Variants in KHDRBS2 observed in about 807,000 individuals in gnomAD.
KHDRBS2 encodes KH RNA binding domain containing, signal transduction associated 2, also known as KH domain-containing, RNA-binding, signal transduction-associated protein 2.
A neutral mutation model predicts 44.3 loss-of-function variants in KHDRBS2; 26 were observed. That is an observed-to-expected ratio of 0.59 (90% CI 0.43 to 0.81). The LOEUF is 0.81. KHDRBS2 is among the 40% of genes least tolerant of loss of function. The pLI is 0.00. For missense variants in KHDRBS2, 476 were observed against 433.1 expected, an observed-to-expected ratio of 1.10 and a Z score of -0.88; for synonymous variants, 194 against 151.1, an observed-to-expected ratio of 1.28 and a Z score of -2.08.
intron 4 of KHDRBS2, among the ~76,000 whole-genome samples, chr6:61,922,347 G>A (rs1808223755): frequency 6.6e-6 from 1 of 152,098 alleles, no homozygotes; most frequent in Non-Finnish European, 1.5e-5. Flanking sequence ...GCACAGAGAG[G>A]AGTAATCTAG....
intron 2 of KHDRBS2, among the ~76,000 whole-genome samples, chr6:62,129,912 A>T (rs1414365221): frequency 1.3e-5 from 2 of 152,172 alleles, no homozygotes; most frequent in Non-Finnish European, 2.9e-5. Flanking sequence ...TAGATGTTTA[A>T]TATGATATTT....
intron 2 of KHDRBS2, among the ~76,000 whole-genome samples, chr6:62,051,793 A>G (rs1278474878): frequency 6.6e-6 from 1 of 152,104 alleles, no homozygotes; most frequent in East Asian, 1.9e-4. Flanking sequence ...ATTCAATGGC[A>G]GAAAAACCGA....
chr6:61,915,368 G>A (rs1233247354), intron 4 of KHDRBS2, among the ~76,000 whole-genome samples: 1 of 152,006 alleles, frequency 6.6e-6, no homozygotes, highest in South Asian at 2.1e-4. Context: ...CCTCATTTCT[G>A]TATAAGGAAA....
rs182955744 is a variant in KHDRBS2 at position 62,054,502 on chromosome 6, T to C, written c.220-6508A>G. On this transcript the variant is annotated intron_variant, in intron 2 of 8. Coordinates refer to ENST00000281156, the MANE Select transcript of KHDRBS2 (RefSeq NM_152688.4). Reference sequence around the variant, plus strand: ...ATGTTACTCTACATAAGAAACTATATGGGTGTGATTAAATTAGAGATCTTG... The same window carrying C: ...ATGTTACTCTACATAAGAAACTATACGGGTGTGATTAAATTAGAGATCTTG... 1.5e-3 allele frequency among the ~76,000 whole-genome samples: 221 copies of C among 152,182 alleles called. 1 individual carries two copies. The highest frequency in any genetic ancestry group is 5.0e-3 in the African/African-American group (207 of 41,562).
At chr6:62,025,528 A>T (rs535570677) in intron 3 of KHDRBS2, among the ~76,000 whole-genome samples, 84 of 152,028 alleles carry the variant, frequency 5.5e-4, no homozygotes, top group African/African-American at 1.9e-3. Context: ...ATAAAGGATA[A>T]ATTTTTTTTA....
intron 2 of KHDRBS2, among the ~76,000 whole-genome samples, chr6:62,123,650 T>G (rs759761437): frequency 2.0e-3 from 300 of 152,352 alleles, no homozygotes; most frequent in Non-Finnish European, 4.6e-4. Flanking sequence ...AAACTACATT[T>G]GTTCAAAGTT....
chr6:62,125,981 TTTGTC>T (rs1341272347), intron 2 of KHDRBS2, among the ~76,000 whole-genome samples: 30 of 152,268 alleles, frequency 2.0e-4, no homozygotes, highest in African/African-American at 7.0e-4. Context: ...TAAAGGAGAC[TTTGTC>T]TTGAAGCTTA....
chr6:62,068,046 T>G (rs2127340733), intron 2 of KHDRBS2, among the ~76,000 whole-genome samples: 1 of 151,700 alleles, frequency 6.6e-6, no homozygotes, highest in South Asian at 2.1e-4. Flanking sequence ...CTTTTATCTC[T>G]TATGTTTAGA....
intron 6 of KHDRBS2, among the ~76,000 whole-genome samples, chr6:61,776,813 G>T (rs568729765): frequency 2.0e-5 from 3 of 151,824 alleles, no homozygotes; most frequent in African/African-American, 7.3e-5. Flanking sequence ...ACTATAAATC[G>T]TGCTGCTATA....
At chr6:61,953,581 G>T (rs1053324780) in intron 4 of KHDRBS2, among the ~76,000 whole-genome samples, 1 of 151,868 alleles carries the variant, frequency 6.6e-6, no homozygotes, top group Non-Finnish European at 1.5e-5. Context: ...GAAAAAGCAG[G>T]CTACTAGAAC....
chr6:61,643,441 A>G, the KHDRBS2 span, among the ~76,000 whole-genome samples: 3 of 152,184 alleles, frequency 2.0e-5, no homozygotes, highest in African/African-American at 4.8e-5. Context: ...TATTCAACAC[A>G]GTATTGGAAA....
At chr6:62,070,401 C>CAT (rs1452900609) in intron 2 of KHDRBS2, among the ~76,000 whole-genome samples, 1 of 151,308 alleles carries the variant, frequency 6.6e-6, no homozygotes. Context: ...AGGTTTGTTA[C>CAT]ATATATATAC....
intron 6 of KHDRBS2, among the ~76,000 whole-genome samples, chr6:61,833,687 G>T (rs1384818430): frequency 6.6e-6 from 1 of 151,972 alleles, no homozygotes. Context: ...CTCTTCCAAG[G>T]GCAAATGCAT....
At chr6:61,901,002 A>G (rs1443233127) in intron 5 of KHDRBS2, among the ~76,000 whole-genome samples, 1 of 151,730 alleles carries the variant, frequency 6.6e-6, no homozygotes, top group African/African-American at 2.4e-5. Context: ...AATTTCATAC[A>G]CCTTTCTCTA....
At chr6:61,978,288 A>G (rs1177824288) in intron 3 of KHDRBS2, 76 bp from the exon 4 acceptor site, 5 of 1,176,804 alleles carry the variant, frequency 4.2e-6, no homozygotes, top group Non-Finnish European at 6.0e-6. Context: ...GAATATGACA[A>G]AGGTGTATAA....
chr6:61,883,764 T>A (rs945190866), intron 6 of KHDRBS2, among the ~76,000 whole-genome samples: 5 of 152,082 alleles, frequency 3.3e-5, no homozygotes, highest in African/African-American at 1.2e-4. Flanking sequence ...TAACCTTGCA[T>A]GTTTTAGTTA....
chr6:62,078,180 T>G (rs184933398), intron 2 of KHDRBS2, among the ~76,000 whole-genome samples: 42 of 152,186 alleles, frequency 2.8e-4, no homozygotes, highest in Middle Eastern at 3.4e-3. Flanking sequence ...TTTATCAATA[T>G]AAAACTGTCC....
intron 2 of KHDRBS2, among the ~76,000 whole-genome samples, chr6:62,051,438 T>A (rs910582693): frequency 1.3e-5 from 2 of 152,024 alleles, no homozygotes; most frequent in Non-Finnish European, 2.9e-5. Flanking sequence ...AGTGTTTTTT[T>A]AGCACAATTT....
chr6:61,896,080 A>T (rs1017164446), intron 5 of KHDRBS2, among the ~76,000 whole-genome samples: 3 of 152,152 alleles, frequency 2.0e-5, no homozygotes, highest in African/African-American at 7.2e-5. Context: ...TGCTGGCTGC[A>T]AGTACAACAT....
Sources: gnomAD v4.1 joint callset for allele counts (sites outside exome capture counted in the v4.1 genomes callset) on GRCh38, gnomAD v4.1.1 for gene constraint, MANE v1.5 for transcripts, NCBI Gene and HGNC (gene_info 2026-07-23, HGNC 2026-07-21) for gene names.